The following LMO1 variants were observed in gnomAD, a reference collection of about 807,000 sequenced individuals.
LMO1 encodes rhombotin-1.
LMO1 carries 10 observed loss-of-function variants against 18.0 expected under a neutral mutation model. The ratio of observed to expected loss-of-function variants is 0.55; its 90% CI spans 0.34 to 0.94. The LOEUF is 0.94. Among genes scored for constraint, LMO1 ranks in the 40% least tolerant of loss-of-function variants. The pLI, the probability that LMO1 is intolerant of heterozygous loss-of-function variation, is 0.02. For missense variants in LMO1, 183 were observed against 205.7 expected, an observed-to-expected ratio of 0.89 and a Z score of 0.68; for synonymous variants, 77 against 77.9, an observed-to-expected ratio of 0.99 and a Z score of 0.06.
At chr11:8,227,877 C>T (rs1237166162) in intron 2 of LMO1, among the ~76,000 whole-genome samples, 1 of 152,188 alleles carries the variant, frequency 6.6e-6, no homozygotes, top group Non-Finnish European at 1.5e-5. Flanking sequence ...CTATATTGGC[C>T]AGGCTGCTCT....
chr11:8,226,865 C>A lies in LMO1; in HGVS notation c.365+110G>T, dbSNP rs1159888448. On this transcript the variant is annotated intron_variant, in intron 3 of 3. Coordinates refer to ENST00000335790, the MANE Select transcript of LMO1 (RefSeq NM_002315.3). ...TAACCTGCACGCACCACCACATACA[C>A]ACACGCAACCCGCATTTGCGTGCAC... 2.1e-6 allele frequency: 3 copies of A among 1,449,566 alleles called. No homozygotes were observed. In the African/African-American group the frequency reaches 4.2e-5, roughly 20 times the overall value. 89.8% of individuals were successfully genotyped at this position (1,449,566 alleles called of 1,614,324 possible). A position where few individuals can be genotyped will look rare whatever the true frequency, so the allele number is the denominator to read the frequency against.
chr11:8,250,135 G>A (rs1373677736), intron 1 of LMO1, among the ~76,000 whole-genome samples: 2 of 151,750 alleles, frequency 1.3e-5, no homozygotes, highest in Non-Finnish European at 2.9e-5. Context: ...TCAGCTTTTG[G>A]CTCACTGTAG....
intron 1 of LMO1, among the ~76,000 whole-genome samples, chr11:8,251,676 TGA>T (rs970514472): frequency 2.0e-5 from 3 of 151,034 alleles, no homozygotes; most frequent in Non-Finnish European, 4.4e-5. Flanking sequence ...TGTTTGTGTG[TGA>T]GAGAGAGAGA....
upstream of LMO1, chr11:8,268,459 G>T: frequency 6.9e-7 from 1 of 1,449,608 alleles, no homozygotes; most frequent in South Asian, 1.3e-5. Context: ...GGTCCCGACG[G>T]CTCCAGCCGG....
chr11:8,268,345 G>A (rs1027827115), upstream of LMO1: 84 of 1,233,238 alleles, frequency 6.8e-5, no homozygotes, highest in Admixed American at 8.6e-5. Flanking sequence ...CTAGCGGGGT[G>A]GACTCCGCAG....
At chr11:8,239,881 T>C (rs1445003497) in intron 1 of LMO1, among the ~76,000 whole-genome samples, 1 of 152,206 alleles carries the variant, frequency 6.6e-6, no homozygotes, top group Non-Finnish European at 1.5e-5. Flanking sequence ...TTCAACCAGA[T>C]GACAGTAAAC....
intron 1 of LMO1, among the ~76,000 whole-genome samples, chr11:8,232,109 G>A (rs1209694015): frequency 1.3e-5 from 2 of 152,160 alleles, no homozygotes; most frequent in African/African-American, 2.4e-5. Context: ...CTGGACAGGT[G>A]AGTCTGGGGA....
chr11:8,264,620 C>T (rs11603024), upstream of LMO1, among the ~76,000 whole-genome samples: 37,878 of 151,552 alleles, frequency 0.25, 5,684 homozygotes, highest in African/African-American at 0.43. Context: ...CTTTTCATTC[C>T]TTTTTCTTTC....
At chr11:8,253,778 A>G (rs1293070119) in intron 1 of LMO1, among the ~76,000 whole-genome samples, 2 of 150,908 alleles carry the variant, frequency 1.3e-5, no homozygotes, top group Non-Finnish European at 1.5e-5. Flanking sequence ...AATTATTAAA[A>G]CTCCTTTCTG....
chr11:8,225,370 A>C (rs1449126850), intron 3 of LMO1, among the ~76,000 whole-genome samples: 3 of 125,044 alleles, frequency 2.4e-5, no homozygotes, highest in Non-Finnish European at 4.8e-5. Context: ...ACGCCACCAC[A>C]CTCCAACCTG....
At chr11:8,262,684 G>C (rs539314608) in intron 1 of LMO1, among the ~76,000 whole-genome samples, 89 of 152,350 alleles carry the variant, frequency 5.8e-4, no homozygotes, top group African/African-American at 2.0e-3. Context: ...CTTCCTCTGG[G>C]CCAAACTCCC....
Position 8,241,222 on chromosome 11 carries a change from G to A in LMO1, c.26-10718C>T, listed in dbSNP as rs151166947. Among the ~76,000 whole-genome samples, 452 of 152,134 alleles carry A rather than the reference G, an allele frequency of 3.0e-3. 2 individuals are homozygous for A. Among genetic ancestry groups the A allele is most frequent in the African/African-American group, 0.01 (435 of 41,472 alleles). ...GCACTCTGGCCAGAAACTAAGTGTC[G>A]TCTTCAGACTTCCATCCCCCTCACC... On this transcript the variant is annotated intron_variant, in intron 1 of 3. Coordinates refer to ENST00000335790, the MANE Select transcript of LMO1 (RefSeq NM_002315.3).
intron 2 of LMO1, among the ~76,000 whole-genome samples, chr11:8,228,253 G>A (rs1463824720): frequency 6.6e-6 from 1 of 152,254 alleles, no homozygotes; most frequent in African/African-American, 2.4e-5. Context: ...GCCCTTGGCT[G>A]GATGTCCCAA....
At chr11:8,246,303 T>C (rs1846893040) in intron 1 of LMO1, among the ~76,000 whole-genome samples, 1 of 152,182 alleles carries the variant, frequency 6.6e-6, no homozygotes, top group South Asian at 2.1e-4. Context: ...TGTCCATCAA[T>C]TGACAAACGA....
intron 1 of LMO1, among the ~76,000 whole-genome samples, chr11:8,251,669 T>TTG (rs1846995558): frequency 6.6e-6 from 1 of 151,448 alleles, no homozygotes; most frequent in Non-Finnish European, 1.5e-5. Context: ...GGGTGTGTGT[T>TTG]TGTGTGTGAG....
rs541039801 is a variant in LMO1 at position 8,263,464 on chromosome 11, G to C, written c.-102C>G. On this transcript the variant is annotated 5_prime_UTR_variant, in exon 1 of 4. Coordinates refer to ENST00000335790, the MANE Select transcript of LMO1 (RefSeq NM_002315.3). ...CGGCCGGTCTTCGGGCAGCTAGCGGGCTCTAATTACCCGCTTGTCCGGCTC... is the reference window on the plus strand; with the variant it reads ...CGGCCGGTCTTCGGGCAGCTAGCGGCCTCTAATTACCCGCTTGTCCGGCTC... The C allele has an allele frequency of 2.6e-6, 4 of 1,548,232 alleles. No homozygotes were observed. Among genetic ancestry groups the C allele is most frequent in the South Asian group, 1.2e-5 (1 of 83,742 alleles).
At chr11:8,233,107 C>T (rs1030879665) in intron 1 of LMO1, among the ~76,000 whole-genome samples, 1 of 152,222 alleles carries the variant, frequency 6.6e-6, no homozygotes, top group Non-Finnish European at 1.5e-5. Flanking sequence ...GACCTGGACA[C>T]CCCTCCCTCT....
intron 1 of LMO1, 58 bp from the exon 2 acceptor site, chr11:8,230,562 G>A (rs1952640657): frequency 6.5e-7 from 1 of 1,531,914 alleles, no homozygotes; most frequent in Non-Finnish European, 8.9e-7. Flanking sequence ...TGGGCCTCAA[G>A]GAATATCCCC....
intron 1 of LMO1, among the ~76,000 whole-genome samples, chr11:8,254,502 G>C (rs1021430533): frequency 1.3e-5 from 2 of 152,208 alleles, no homozygotes; most frequent in African/African-American, 4.8e-5. Context: ...ATATGCTCAG[G>C]TCTAAGTCAG....
Sources: allele counts gnomAD v4.1 joint callset (sites outside exome capture counted in the v4.1 genomes callset), GRCh38; gene constraint gnomAD v4.1.1; transcripts MANE v1.5; gene names NCBI Gene and HGNC (gene_info 2026-07-23, HGNC 2026-07-21).